Variants in IL1RAPL1 observed in about 807,000 individuals in gnomAD.
The protein encoded by IL1RAPL1 is interleukin 1 receptor accessory protein like 1, also known as interleukin-1 receptor accessory protein-like 1.
Under a neutral mutation model 48.4 loss-of-function variants are expected in IL1RAPL1, and 3 were observed. That is an observed-to-expected ratio of 0.06 (90% CI 0.03 to 0.16). IL1RAPL1 has a LOEUF of 0.16. Among genes scored for constraint, IL1RAPL1 ranks in the 10% least tolerant of loss-of-function variants. The pLI, the probability that IL1RAPL1 is intolerant of heterozygous loss-of-function variation, is 1.00. For missense variants in IL1RAPL1, 349 were observed against 530.6 expected, an observed-to-expected ratio of 0.66 and a Z score of 3.36; for synonymous variants, 185 against 187.7, an observed-to-expected ratio of 0.99 and a Z score of 0.12.
At chrX:29,562,095 ATCTATCTATCTATCTATCTAATCT>A (rs1922236032) in intron 5 of IL1RAPL1, among the ~76,000 whole-genome samples, 1 of 68,017 alleles carries the variant, frequency 1.5e-5, no homozygotes, top group Non-Finnish European at 2.8e-5. Context: ...CTATCTGTCT[ATCTATCTATCTATCTATCTAATCT>A]ATCTATCTAT....
rs1314278672 is a variant in IL1RAPL1, at chrX:28,587,748, TC to T, written c.-323del. The stretch of plus-strand genomic sequence containing the variant: ...CCTTTTCTATCTGCCTCTTCATTTT[TC>T]TCCTAGTCTGTTTTTTTTTTTCCTG... On this transcript the variant is annotated 5_prime_UTR_variant, in exon 1 of 11. Coordinates refer to ENST00000378993, the MANE Select transcript of IL1RAPL1 (RefSeq NM_014271.4). 2.5e-5 allele frequency: 2 copies of T among 80,812 alleles called. No homozygotes were observed. The highest frequency in any genetic ancestry group is 4.6e-5 in the Non-Finnish European group (2 of 43,630). The allele number at this position is 80,812 out of a possible 1,213,427, so 6.7% of individuals were successfully genotyped here.
chrX:29,737,172 G>A (rs959465595), intron 6 of IL1RAPL1, among the ~76,000 whole-genome samples: 1 of 112,373 alleles, frequency 8.9e-6, no homozygotes, highest in African/African-American at 3.2e-5. Context: ...ATTTTAAGAT[G>A]TTTGTAATAG....
At chrX:28,704,421 A>AACACAC (rs71703533) in intron 1 of IL1RAPL1, among the ~76,000 whole-genome samples, 1,204 of 89,503 alleles carry the variant, frequency 0.013, 19 homozygotes, top group African/African-American at 0.043. Context: ...AAAACACACA[A>AACACAC]ACACACACAC....
chrX:29,685,866 T>C (rs1420415118), intron 6 of IL1RAPL1, among the ~76,000 whole-genome samples: 1 of 109,421 alleles, frequency 9.1e-6, no homozygotes, highest in Admixed American at 9.7e-5. Context: ...GTGCCTGTAA[T>C]CCCAGCTACT....
In IL1RAPL1 at chrX:29,000,430, C is replaced by A. The variant is rs1403399504; in HGVS notation, c.82+211005C>A. Among the ~76,000 whole-genome samples the A allele has an allele frequency of 1.1e-4, 12 of 111,845 alleles. No individual in the cohort carries two copies. In the Admixed American group the frequency reaches 1.1e-3, roughly 11 times the overall value. ...CTCTCTGATGCTCTTTTATTGAATT[C>A]TATGCTCCTTGAATACAGGTCTTAT... On this transcript the variant is annotated intron_variant, in intron 2 of 10. Transcript: ENST00000378993.
intron 1 of IL1RAPL1, among the ~76,000 whole-genome samples, chrX:28,643,335 A>G (rs1192431298): frequency 1.8e-5 from 2 of 110,852 alleles, no homozygotes; most frequent in African/African-American, 6.6e-5. Flanking sequence ...AAGTTGTTTG[A>G]TTTTTTTCCC....
chrX:28,588,206 ATGTGTG>A (rs768348078), intron 1 of IL1RAPL1, among the ~76,000 whole-genome samples, 159 bp downstream of exon 1: 2,411 of 49,852 alleles, frequency 0.048, 28 homozygotes, highest in Non-Finnish European at 0.058. Flanking sequence ...GTGTGTTGAT[ATGTGTG>A]TGTGTGTGTG....
intron 2 of IL1RAPL1, among the ~76,000 whole-genome samples, chrX:28,855,749 C>T (rs1482241126): frequency 1.8e-5 from 2 of 111,374 alleles, no homozygotes; most frequent in African/African-American, 6.5e-5. Context: ...TTAACGCCTA[C>T]AAAGTTGCCA....
At chrX:29,352,449 G>A (rs1039332655) in intron 3 of IL1RAPL1, among the ~76,000 whole-genome samples, 1 of 111,304 alleles carries the variant, frequency 9.0e-6, no homozygotes, top group Admixed American at 9.6e-5. Flanking sequence ...GGTTTTGGGG[G>A]ACCATCCAAG....
At chrX:29,610,570 A>G (rs1224925024) in intron 5 of IL1RAPL1, among the ~76,000 whole-genome samples, 2 of 112,384 alleles carry the variant, frequency 1.8e-5, no homozygotes, top group Non-Finnish European at 3.8e-5. Context: ...AAAGGATCCA[A>G]TGTATTCTCA....
At chrX:29,331,320 C>T (rs1026661120) in intron 3 of IL1RAPL1, among the ~76,000 whole-genome samples, 1 of 110,551 alleles carries the variant, frequency 9.0e-6, no homozygotes, top group Non-Finnish European at 1.9e-5. Context: ...CTGCTTGTGG[C>T]CATTGCTCTG....
chrX:29,478,574 A>G (rs1256377448), intron 5 of IL1RAPL1, among the ~76,000 whole-genome samples: 1 of 110,437 alleles, frequency 9.1e-6, no homozygotes, highest in Non-Finnish European at 1.9e-5. Context: ...GGGTCTTTCC[A>G]TCTCACTAAA....
intron 3 of IL1RAPL1, among the ~76,000 whole-genome samples, chrX:29,286,970 T>C (rs1343008187): frequency 9.0e-6 from 1 of 110,753 alleles, no homozygotes. Context: ...GGTAGCATTT[T>C]GTAAAACTGT....
intron 3 of IL1RAPL1, among the ~76,000 whole-genome samples, chrX:29,328,192 A>G (rs1932854886): frequency 8.9e-6 from 1 of 111,972 alleles, no homozygotes; most frequent in East Asian, 2.8e-4. Context: ...GAAATTTGCT[A>G]TGGTATTACT....
At chrX:29,917,416 G>A in intron 6 of IL1RAPL1, 48 bp from the exon 7 acceptor site, 1 of 1,168,517 alleles carries the variant, frequency 8.6e-7, no homozygotes, top group South Asian at 1.8e-5. Flanking sequence ...CCTAAAATAA[G>A]TGTGAACAAA....
chrX:29,383,470 A>G (rs956935231), intron 3 of IL1RAPL1, among the ~76,000 whole-genome samples: 2 of 112,164 alleles, frequency 1.8e-5, no homozygotes, highest in Admixed American at 9.5e-5. Context: ...CATTCTGACA[A>G]CTGAAATGTA....
chrX:29,368,176 A>G (rs1003209100), intron 3 of IL1RAPL1, among the ~76,000 whole-genome samples: 4 of 111,692 alleles, frequency 3.6e-5, no homozygotes, highest in Non-Finnish European at 7.5e-5. Flanking sequence ...TAGGATTTAT[A>G]TTGTGTTAGG....
At chrX:29,077,109 A>T (rs1235151995) in intron 2 of IL1RAPL1, among the ~76,000 whole-genome samples, 1 of 112,074 alleles carries the variant, frequency 8.9e-6, no homozygotes, top group Non-Finnish European at 1.9e-5. Flanking sequence ...TAAAGATGAT[A>T]ATGTATGGCC....
intron 6 of IL1RAPL1, among the ~76,000 whole-genome samples, chrX:29,714,533 C>T (rs1236407190): frequency 8.9e-6 from 1 of 112,141 alleles, no homozygotes; most frequent in Non-Finnish European, 1.9e-5. Context: ...TGTGTTAACT[C>T]TCAGCTCTAG....
Sources: allele counts gnomAD v4.1 joint callset (sites outside exome capture counted in the v4.1 genomes callset), GRCh38; gene constraint gnomAD v4.1.1; transcripts MANE v1.5; gene names NCBI Gene and HGNC (gene_info 2026-07-23, HGNC 2026-07-21).